NBEA: variants seen among roughly 807,000 people sequenced by gnomAD.
NBEA encodes the protein neurobeachin, also known as lysosomal-trafficking regulator 2.
A neutral mutation model predicts 343.4 loss-of-function variants in NBEA; 44 were observed. The observed-to-expected ratio is 0.13, with a 90% confidence interval of 0.10 to 0.16. NBEA has a LOEUF of 0.16. Among genes scored for constraint, NBEA ranks in the 10% least tolerant of loss-of-function variants. The pLI is 1.00. For synonymous variants in NBEA, 1,175 were observed against 1,238.7 expected (o/e 0.95, Z 1.08); for missense variants, 2,555 against 3,631.3 (o/e 0.70, Z 7.62).
chr13:35,076,290 CA>C (rs1191676021), intron 10 of NBEA, among the ~76,000 whole-genome samples: 3 of 151,416 alleles, frequency 2.0e-5, no homozygotes, highest in South Asian at 2.1e-4. Context: ...GTGATAGACA[CA>C]AAAAAATACA....
At chr13:35,221,339 T>C (rs1298643752) in intron 33 of NBEA, among the ~76,000 whole-genome samples, 3 of 147,954 alleles carry the variant, frequency 2.0e-5, no homozygotes, top group Middle Eastern at 6.8e-3. Flanking sequence ...TGAGACACTA[T>C]TTCAAAAAAA....
chr13:35,398,227 A>G (rs935369721), intron 38 of NBEA, among the ~76,000 whole-genome samples: 2 of 152,120 alleles, frequency 1.3e-5, no homozygotes, highest in African/African-American at 4.8e-5. Flanking sequence ...TGCTATTGCT[A>G]TTTCCACTAT....
chr13:34,966,958 CTTTTTTT>C (rs576261074), intron 1 of NBEA, among the ~76,000 whole-genome samples: 12 of 131,204 alleles, frequency 9.1e-5, no homozygotes, highest in Non-Finnish European at 2.0e-4. Context: ...ACTAACCTTT[CTTTTTTT>C]TTTTTTTTTC....
intron 44 of NBEA, among the ~76,000 whole-genome samples, chr13:35,565,906 G>A (rs1330041175): frequency 6.6e-6 from 1 of 152,086 alleles, no homozygotes; most frequent in Non-Finnish European, 1.5e-5. Flanking sequence ...TGAACTTAAG[G>A]AGTGAAAAAA....
At chr13:35,354,110 C>T (rs1230885106) in intron 38 of NBEA, among the ~76,000 whole-genome samples, 1 of 152,150 alleles carries the variant, frequency 6.6e-6, no homozygotes, top group Non-Finnish European at 1.5e-5. Flanking sequence ...TTAATCATAT[C>T]TACAAAATAC....
intron 8 of NBEA, among the ~76,000 whole-genome samples, chr13:35,061,262 C>G (rs1209638496): frequency 6.6e-6 from 1 of 151,542 alleles, no homozygotes; most frequent in Non-Finnish European, 1.5e-5. Context: ...TTTCTGGAAA[C>G]AGTAAATAAG....
chr13:35,607,771 A>T (rs9544788), intron 48 of NBEA, among the ~76,000 whole-genome samples: 36,379 of 152,014 alleles, frequency 0.24, 4,628 homozygotes, highest in African/African-American at 0.3. Flanking sequence ...AAAAAAAATG[A>T]ATATTAGTCC....
intron 8 of NBEA, among the ~76,000 whole-genome samples, chr13:35,067,493 T>G (rs1183372306): frequency 6.6e-6 from 1 of 152,126 alleles, no homozygotes; most frequent in African/African-American, 2.4e-5. Context: ...AGTGTACAAG[T>G]CAATTATTTT....
At chr13:35,068,157 T>C (rs1005524502) in intron 8 of NBEA, among the ~76,000 whole-genome samples, 1 of 152,160 alleles carries the variant, frequency 6.6e-6, no homozygotes, top group African/African-American at 2.4e-5. Flanking sequence ...ATACACTTTT[T>C]TTAAACCTAA....
chr13:35,594,175 T>C (rs190705828), intron 47 of NBEA, among the ~76,000 whole-genome samples: 5 of 152,154 alleles, frequency 3.3e-5, no homozygotes, highest in Non-Finnish European at 5.9e-5. Flanking sequence ...GGTTATTGCA[T>C]AGGTAAATGT....
At chr13:35,002,875 T>C (rs1162211259) in intron 1 of NBEA, among the ~76,000 whole-genome samples, 1 of 152,166 alleles carries the variant, frequency 6.6e-6, no homozygotes, top group Admixed American at 6.5e-5. Context: ...GGTAGTCAGT[T>C]GGCGAGAGGT....
chr13:35,188,517 T>C (rs560043147), intron 30 of NBEA, among the ~76,000 whole-genome samples: 1 of 152,312 alleles, frequency 6.6e-6, no homozygotes, highest in East Asian at 1.9e-4. Flanking sequence ...TCTGACTTAA[T>C]TTAATGCAGT....
chr13:34,981,355 T>G (rs2060349540), intron 1 of NBEA, among the ~76,000 whole-genome samples: 1 of 152,242 alleles, frequency 6.6e-6, no homozygotes, highest in Non-Finnish European at 1.5e-5. Flanking sequence ...TATGAACATT[T>G]GCATCTAAGT....
intron 1 of NBEA, among the ~76,000 whole-genome samples, chr13:35,009,655 G>A (rs2061420476): frequency 6.6e-6 from 1 of 152,132 alleles, no homozygotes; most frequent in Admixed American, 6.5e-5. Flanking sequence ...GGAGTGTCTT[G>A]AGTAGAGGAG....
chr13:35,536,337 T>G (rs1433703766), intron 41 of NBEA, among the ~76,000 whole-genome samples: 1 of 152,192 alleles, frequency 6.6e-6, no homozygotes, highest in East Asian at 1.9e-4. Context: ...TTTTAATATA[T>G]CATAGAAATT....
At chr13:35,403,026 G>C (rs954140550) in intron 38 of NBEA, among the ~76,000 whole-genome samples, 2 of 151,996 alleles carry the variant, frequency 1.3e-5, no homozygotes, top group Non-Finnish European at 2.9e-5. Flanking sequence ...GGACATACAT[G>C]ATTTTGTTAA....
At chr13:35,463,899 G>A (rs2047035974) in intron 40 of NBEA, among the ~76,000 whole-genome samples, 1 of 151,898 alleles carries the variant, frequency 6.6e-6, no homozygotes, top group Non-Finnish European at 1.5e-5. Flanking sequence ...TCAAACAAGA[G>A]GAAAGATATA....
intron 17 of NBEA, among the ~76,000 whole-genome samples, 190 bp downstream of exon 17, chr13:35,123,764 A>T (rs928690420): frequency 6.6e-6 from 1 of 152,170 alleles, no homozygotes; most frequent in African/African-American, 2.4e-5. Context: ...GTGAAACAAA[A>T]TTACAATTTA....
At chr13:35,528,659 G>A (rs901644913) in intron 41 of NBEA, among the ~76,000 whole-genome samples, 4 of 152,260 alleles carry the variant, frequency 2.6e-5, no homozygotes, top group Admixed American at 1.3e-4. Flanking sequence ...TAGCAAAGCA[G>A]TACTGAGCAG....
Sources: allele counts gnomAD v4.1 joint callset (sites outside exome capture counted in the v4.1 genomes callset), GRCh38; gene constraint gnomAD v4.1.1; transcripts MANE v1.5; gene names NCBI Gene and HGNC (gene_info 2026-07-23, HGNC 2026-07-21).